ALDOB: variants seen among roughly 807,000 people sequenced by gnomAD.
The protein encoded by ALDOB is fructose-bisphosphate aldolase B.
ALDOB carries 39 observed loss-of-function variants against 41.0 expected under a neutral mutation model. The observed-to-expected ratio is 0.95, with a 90% CI of 0.74 to 1.24. The LOEUF is 1.24. ALDOB is among the 50% of genes most tolerant of loss of function. ALDOB has a pLI of 0.00. For missense variants in ALDOB, 530 were observed against 457.3 expected, an observed-to-expected ratio of 1.16 and a Z score of -1.45; for synonymous variants, 175 against 168.8, an observed-to-expected ratio of 1.04 and a Z score of -0.28.
In ALDOB at chr9:101,421,771, A is replaced by G. The variant is rs910060374; in HGVS notation, c.*38T>C. ...AAAGTTGCTCCCTTTCAGCCCTCCT[A>G]CTAGAAGCACTGGAGCTAGGCTGGC... On this transcript the variant is annotated 3_prime_UTR_variant, in exon 9 of 9. Transcript: ENST00000647789. 3.2e-6 allele frequency: 5 copies of G among 1,572,696 alleles called. No individual in the cohort carries two copies. Among genetic ancestry groups the G allele is most frequent in the South Asian group, 2.2e-5 (2 of 89,900 alleles).
intron 6 of ALDOB, 22 bp from the exon 7 acceptor site, chr9:101,425,649 C>A (rs1308820776): frequency 6.2e-7 from 1 of 1,613,784 alleles, no homozygotes; most frequent in Admixed American, 1.7e-5. Flanking sequence ...GAGGTCCCAC[C>A]AGGTGAAACT....
chr9:101,429,895 T>C lies in ALDOB; in HGVS notation c.184A>G (p.Ile62Val). The C allele has an allele frequency of 6.2e-7, 1 of 1,614,002 alleles. No individual in the cohort carries two copies. The highest frequency in any genetic ancestry group is 8.5e-7 in the Non-Finnish European group (1 of 1,179,978). Residue 62 changes from isoleucine to valine, a missense_variant, in exon 3 of 9, where the codon ATC (isoleucine) becomes GTC (valine). Coordinates refer to ENST00000647789, the MANE Select transcript of ALDOB (RefSeq NM_000035.4). ...ATGGAACTGTCCACAGAGAAGAGGATTTCTCGGAACTGCCGGCGGTTCTCT... is the reference window on the plus strand; with the variant it reads ...ATGGAACTGTCCACAGAGAAGAGGACTTCTCGGAACTGCCGGCGGTTCTCT... ...TEENRRQFRE[I>V]LFSVDSSINQ... is the part of the protein sequence containing the mutation.
At chr9:101,424,368 G>A (rs765763759) in intron 8 of ALDOB, among the ~76,000 whole-genome samples, 1 of 152,090 alleles carries the variant, frequency 6.6e-6, no homozygotes, top group Non-Finnish European at 1.5e-5. Flanking sequence ...GCAGTGAGCC[G>A]AGATTGTGCC....
In ALDOB at chr9:101,424,972, G is replaced by C. The variant is rs766799391; in HGVS notation, c.870C>G (p.Cys290Trp). The C allele has an allele frequency of 3.1e-6, 5 of 1,614,090 alleles. No individual in the cohort carries two copies. In the East Asian group the frequency reaches 6.7e-5, roughly 22 times the overall value. ...ATLNLNAINLCPLPKPWKLSF... is the reference protein window; with the variant it reads ...ATLNLNAINLWPLPKPWKLSF... ...TTAGTTTCCAGGGCTTTGGTAGAGG[G>C]CAAAGGTTGATAGCATTGAGGTTGA... The change falls in exon 8 of 9, where the codon TGC (cysteine) becomes TGG (tryptophan). Residue 290 changes from cysteine to tryptophan, a missense_variant. Cys to Trp is a radical substitution (Grantham distance 215, BLOSUM62 -2). Coordinates refer to ENST00000647789, the MANE Select transcript of ALDOB (RefSeq NM_000035.4).
Position 101,421,365 on chromosome 9 carries a change from C to A in ALDOB, c.*444G>T. 1 of 271,694 alleles carries A rather than the reference C, an allele frequency of 3.7e-6. No homozygotes were observed. The highest frequency in any genetic ancestry group is 7.3e-6 in the Non-Finnish European group (1 of 137,870). 16.8% of individuals were successfully genotyped at this position (271,694 alleles called of 1,614,324 possible). On this transcript the variant is annotated 3_prime_UTR_variant, in exon 9 of 9. Transcript: ENST00000647789. ...GACAGCAAGAGCAGAAAAGTGAAAC[C>A]CGATAGCAGCTGAAGGTTTATAGAA... is the stretch of plus-strand genomic sequence containing the variant.
At chr9:101,430,116 C>T (rs1414668701) in intron 2 of ALDOB, 150 bp from the exon 3 acceptor site, 6 of 783,210 alleles carry the variant, frequency 7.7e-6, no homozygotes, top group African/African-American at 6.9e-5. Context: ...TTTTTGTGTT[C>T]CAGGGAGAAG....
intron 8 of ALDOB, among the ~76,000 whole-genome samples, chr9:101,424,098 A>G (rs1028255177): frequency 1.3e-5 from 2 of 151,846 alleles, no homozygotes; most frequent in Non-Finnish European, 2.9e-5. Context: ...GAATCTCTCT[A>G]TAGCATGTTA....
At chr9:101,425,333 C>CTGTGAGATA in intron 7 of ALDOB, 120 bp downstream of exon 7, 3 of 1,239,458 alleles carry the variant, frequency 2.4e-6, no homozygotes, top group Non-Finnish European at 3.5e-6. Context: ...TGCTGGCTGC[C>CTGTGAGATA]TGTGAGATAA....
At position 101,425,578 on chromosome 9, in the gene ALDOB, TC is replaced by T. The variant is rs758133069; in HGVS notation, c.673del (p.Glu225ArgfsTer5). 2.5e-6 allele frequency: 4 copies of T among 1,613,950 alleles called. No homozygotes were observed. The East Asian group carries it at 8.9e-5, about 36-fold the overall frequency. On this transcript the variant is annotated frameshift_variant, in exon 7 of 9. Coordinates refer to ENST00000647789, the MANE Select transcript of ALDOB (RefSeq NM_000035.4). LOFTEE classifies it high-confidence loss of function. ...CATGTTGGGCTTTAGCAGGGTGCCC[TC>T]CAGGTAAACATGATGGTCATTCAGG... ...KALNDHHVYLEGTLLKPNMVT... is the reference protein window; with the variant it reads ...KALNDHHVYLXGTLLKPNMVT...
intron 5 of ALDOB, 151 bp from the exon 6 acceptor site, chr9:101,426,789 A>G: frequency 1.6e-6 from 1 of 643,992 alleles, no homozygotes; most frequent in Non-Finnish European, 2.8e-6. Context: ...ATTTTTCAGA[A>G]TGAGATAAAA....
At chr9:101,422,651 A>G (rs955750228) in intron 8 of ALDOB, among the ~76,000 whole-genome samples, 2 of 152,240 alleles carry the variant, frequency 1.3e-5, no homozygotes, top group African/African-American at 2.4e-5. Flanking sequence ...GGTAATGGGT[A>G]CAAAAATACA....
At chr9:101,427,046 A>G (rs1831140855) in intron 5 of ALDOB, among the ~76,000 whole-genome samples, 1 of 152,178 alleles carries the variant, frequency 6.6e-6, no homozygotes, top group East Asian at 1.9e-4. Flanking sequence ...ACCCAGAGAC[A>G]TTTTAGTATG....
intron 8 of ALDOB, among the ~76,000 whole-genome samples, chr9:101,424,497 C>A (rs1326714854): frequency 6.6e-6 from 1 of 152,092 alleles, no homozygotes; most frequent in Non-Finnish European, 1.5e-5. Context: ...CTTGGTTCAC[C>A]CTACAATATA....
At chr9:101,434,299 G>T (rs750147811) in intron 1 of ALDOB, among the ~76,000 whole-genome samples, 2 of 152,142 alleles carry the variant, frequency 1.3e-5, no homozygotes, top group African/African-American at 2.4e-5. Flanking sequence ...GATGTTCTAG[G>T]ATTGCAAGTT....
At chr9:101,434,772 T>C (rs1831268983) in intron 1 of ALDOB, among the ~76,000 whole-genome samples, 1 of 152,142 alleles carries the variant, frequency 6.6e-6, no homozygotes, top group Non-Finnish European at 1.5e-5. Flanking sequence ...CCAAAGGACC[T>C]CTTAGATATT....
intron 2 of ALDOB, 152 bp from the exon 3 acceptor site, chr9:101,430,118 A>G: frequency 2.6e-6 from 2 of 776,104 alleles, no homozygotes; most frequent in Admixed American, 2.1e-5. Flanking sequence ...TTTGTGTTCC[A>G]GGGAGAAGAC....
Position 101,425,023 on chromosome 9 carries a change from A to T in ALDOB, c.819T>A (p.Gly273=), listed in dbSNP as rs778370988. Residue 273 remains glycine (G), a synonymous_variant, in exon 8 of 9, where the codon GGT becomes GGA. Transcript: ENST00000647789. ...AAVPGICFLS[G]GMSEEDATLN... ...GAGTGGCATCCTCTTCACTCATGCC[A>T]CCAGACAAAAAGCAGATGCCTGGTA... The T allele has an allele frequency of 2.5e-6, 4 of 1,614,224 alleles. No homozygotes were observed. Among genetic ancestry groups the T allele is most frequent in the Non-Finnish European group, 3.4e-6 (4 of 1,180,040 alleles).
chr9:101,425,511 T>C lies in ALDOB; in HGVS notation c.741A>G (p.Glu247=), dbSNP rs766032602. Residue 247 remains glutamate (E), a synonymous_variant, in exon 7 of 9, where the codon GAA becomes GAG. Transcript: ENST00000647789. ...GHACTKKYTP[E]QVAMATVTAL... ...CTGTTACGGTGGCCATAGCTACTTG[T>C]TCTGGAGTATACTTCTTGGTGCAGG... 1 of 1,614,138 alleles carries C rather than the reference T, an allele frequency of 6.2e-7. No homozygotes were observed. The highest frequency in any genetic ancestry group is 1.7e-5 in the Admixed American group (1 of 60,024).
chr9:101,429,763 C>G lies in ALDOB; in HGVS notation c.316G>C (p.Gly106Arg). The G allele has an allele frequency of 6.2e-7, 1 of 1,614,004 alleles. No homozygotes were observed. The highest frequency in any genetic ancestry group is 8.5e-7 in the Non-Finnish European group (1 of 1,179,952). Residue 106 changes from glycine (G) to arginine (R), a missense_variant, in exon 3 of 9, where the codon GGA becomes CGA. Transcript: ENST00000647789. ...NILKEKGIVV[G>R]IKLDQGGAPL... is the part of the protein sequence containing the mutation. ...TGAATGGAGGTGTTCACCTTGATTCCCACCACGATCCCCTTTTCCTTGAGG... is the reference window on the plus strand; with the variant it reads ...TGAATGGAGGTGTTCACCTTGATTCGCACCACGATCCCCTTTTCCTTGAGG...
Sources: gnomAD v4.1 joint callset for allele counts (sites outside exome capture counted in the v4.1 genomes callset) on GRCh38, gnomAD v4.1.1 for gene constraint, MANE v1.5 for transcripts, NCBI Gene and HGNC (gene_info 2026-07-23, HGNC 2026-07-21) for gene names.